PITPNM2: variants seen among roughly 807,000 people sequenced by gnomAD.
PITPNM2 encodes membrane-associated phosphatidylinositol transfer protein 2.
PITPNM2 carries 35 observed loss-of-function variants against 132.2 expected under a neutral mutation model. That is an observed-to-expected ratio of 0.26 (90% CI 0.20 to 0.35). The LOEUF (loss-of-function observed/expected upper bound fraction) is 0.35, where lower values mean the gene tolerates loss of function less well. PITPNM2 is among the 10% of genes least tolerant of loss of function. The probability of loss-of-function intolerance (pLI) is 1.00; values close to 1 mark genes in which losing one functional copy is unlikely to be tolerated. For missense variants in PITPNM2, 1,332 were observed against 1,912.0 expected (o/e 0.70, Z 5.66); for synonymous variants, 738 against 799.2 (o/e 0.92, Z 1.29).
At chr12:123,032,123 C>T (rs1173854338) in intron 3 of PITPNM2, among the ~76,000 whole-genome samples, 3 of 152,234 alleles carry the variant, frequency 2.0e-5, no homozygotes, top group Admixed American at 6.5e-5. Context: ...GAGCGTCTAA[C>T]AGGGAACTAT....
In PITPNM2 at chr12:123,078,108, G is replaced by A. The variant is rs1209732599; in HGVS notation, c.-96+32277C>T. On this transcript the variant is annotated intron_variant, in intron 2 of 25. Transcript: ENST00000320201. The surrounding 1 kb of genome is among the most constrained non-coding windows in gnomAD (Gnocchi z 7.3). ...GAGAGGAAGGGGTGGGGAGCGGAGA[G>A]GGAGGGCGGGAAGGAGGGAGAATTG... Among the ~76,000 whole-genome samples, 14 of 152,212 alleles carry A rather than the reference G, an allele frequency of 9.2e-5. No homozygotes were observed. Among genetic ancestry groups the A allele is most frequent in the Non-Finnish European group, 2.9e-5 (2 of 68,028 alleles).
rs549601496 is a variant in PITPNM2, at chr12:123,109,795, G to A, written c.-96+590C>T. Among the ~76,000 whole-genome samples the A allele has an allele frequency of 1.3e-4, 20 of 152,336 alleles. 1 individual carries two copies. The highest frequency in any genetic ancestry group is 9.1e-4 in the Admixed American group (14 of 15,306). On this transcript the variant is annotated intron_variant, in intron 2 of 25. Transcript: ENST00000320201. Reference sequence around the variant, plus strand: ...CTCTATAAACAGGAGAATAGCAGCCGTTGGGGCCTCAAAGGCTGACCCAAG... The same window carrying A: ...CTCTATAAACAGGAGAATAGCAGCCATTGGGGCCTCAAAGGCTGACCCAAG...
At chr12:123,085,632 A>T (rs1386771393) in intron 2 of PITPNM2, among the ~76,000 whole-genome samples, 1 of 152,206 alleles carries the variant, frequency 6.6e-6, no homozygotes, top group Non-Finnish European at 1.5e-5. Context: ...CCAATGAACT[A>T]TACGCATAAA....
At chr12:123,151,509 G>A (rs1349452620), upstream of PITPNM2, among the ~76,000 whole-genome samples, 1 of 152,182 alleles carries the variant, frequency 6.6e-6, no homozygotes, top group African/African-American at 2.4e-5. Context: ...GAGCGCAGCG[G>A]GCAGCTCACC....
At chr12:123,141,636 C>T (rs1258119105) in intron 1 of PITPNM2, among the ~76,000 whole-genome samples, 1 of 152,124 alleles carries the variant, frequency 6.6e-6, no homozygotes, top group Non-Finnish European at 1.5e-5. Flanking sequence ...AACACAGAGT[C>T]GACGAGGCTG....
rs923733726 is a variant in PITPNM2, at chr12:123,004,963, C to G, written c.952+277G>C. 6.6e-6 allele frequency among the ~76,000 whole-genome samples: 1 copy of G among 152,140 alleles called. No individual in the cohort carries two copies. The highest frequency in any genetic ancestry group is 1.5e-5 in the Non-Finnish European group (1 of 68,000). ...CTAGGGTCCCCATCAGGAGGGGTGG[C>G]CCCTCCACCGCGCTGCAGGAGCCCA... On this transcript the variant is annotated intron_variant, in intron 7 of 25. Transcript: ENST00000320201. The surrounding 1 kb of genome is among the most constrained non-coding windows in gnomAD (Gnocchi z 4.9).
chr12:122,997,169 C>T (rs554603263), intron 11 of PITPNM2, among the ~76,000 whole-genome samples, 156 bp downstream of exon 11: 12 of 152,324 alleles, frequency 7.9e-5, no homozygotes, highest in East Asian at 7.7e-4. Context: ...GCTTAGCCTG[C>T]GTGTATACGT....
At chr12:123,067,574 T>C (rs1269800985) in intron 2 of PITPNM2, among the ~76,000 whole-genome samples, 3 of 151,922 alleles carry the variant, frequency 2.0e-5, no homozygotes, top group Non-Finnish European at 2.9e-5. Flanking sequence ...ACTGCAGTGA[T>C]GCAGCCACAA....
intron 2 of PITPNM2, among the ~76,000 whole-genome samples, chr12:123,060,545 C>T (rs1235239234): frequency 6.6e-6 from 1 of 152,244 alleles, no homozygotes; most frequent in African/African-American, 2.4e-5. Context: ...GCAGAGTGGC[C>T]TGGAGGGAAG....
chr12:123,049,267 G>A (rs2040781211), intron 2 of PITPNM2, among the ~76,000 whole-genome samples: 1 of 152,186 alleles, frequency 6.6e-6, no homozygotes, highest in South Asian at 2.1e-4. Flanking sequence ...AAGCGTGCTT[G>A]TCCAGGAGGG....
At chr12:123,144,201 G>T (rs1365973258) in intron 1 of PITPNM2, among the ~76,000 whole-genome samples, 1 of 152,154 alleles carries the variant, frequency 6.6e-6, no homozygotes, top group Admixed American at 6.5e-5. Flanking sequence ...CCTTTTTGTG[G>T]TCTGTGCAGT....
intron 1 of PITPNM2, among the ~76,000 whole-genome samples, chr12:123,116,097 T>C (rs2042932041): frequency 6.6e-6 from 1 of 152,216 alleles, no homozygotes; most frequent in East Asian, 1.9e-4. Context: ...CCCCTCCCTT[T>C]TAATCTAGCC....
chr12:123,112,893 A>G (rs1045337923), intron 1 of PITPNM2, among the ~76,000 whole-genome samples: 1 of 152,238 alleles, frequency 6.6e-6, no homozygotes, highest in Non-Finnish European at 1.5e-5. Flanking sequence ...AAAGAAAAAC[A>G]AAACAAAAAG....
Position 122,996,587 on chromosome 12 carries a change from G to C in PITPNM2, c.1663-10C>G, listed in dbSNP as rs749486190. 2 of 1,613,066 alleles carry C rather than the reference G, an allele frequency of 1.2e-6. No homozygotes were observed. Among genetic ancestry groups the C allele is most frequent in the Non-Finnish European group, 1.7e-6 (2 of 1,179,976 alleles). On this transcript the variant is annotated splice_polypyrimidine_tract_variant and intron_variant, in intron 12 of 25. Transcript: ENST00000320201. Reference sequence around the variant, plus strand: ...CCCCAATCAGGCAGACCTTGGGAGAGAGGGGCCAGAGGCCTGAGCCATTCA... The same window carrying C: ...CCCCAATCAGGCAGACCTTGGGAGACAGGGGCCAGAGGCCTGAGCCATTCA...
intron 16 of PITPNM2, chr12:122,991,971 CAG>C (rs558258429): frequency 4.2e-4 from 527 of 1,259,728 alleles, no homozygotes; most frequent in Non-Finnish European, 5.1e-4. Flanking sequence ...CGCTCTGACA[CAG>C]AGACTCAGGG....
intron 1 of PITPNM2, among the ~76,000 whole-genome samples, chr12:123,128,445 TAAAAAA>T (rs76741325): frequency 1.4e-5 from 1 of 71,578 alleles, no homozygotes; most frequent in African/African-American, 5.2e-5. Flanking sequence ...CGTCTCAAGT[TAAAAAA>T]AAAAAAAAAA....
intron 5 of PITPNM2, among the ~76,000 whole-genome samples, chr12:123,011,095 A>G (rs2039182057): frequency 1.3e-5 from 2 of 152,204 alleles, no homozygotes; most frequent in African/African-American, 4.8e-5. Context: ...CCCGAGGCAC[A>G]TGTGTGTTGG....
At chr12:123,096,722 T>C (rs757936398) in intron 2 of PITPNM2, among the ~76,000 whole-genome samples, 5 of 152,152 alleles carry the variant, frequency 3.3e-5, no homozygotes, top group Non-Finnish European at 7.4e-5. Flanking sequence ...AGTGAGGACC[T>C]GGAACCAGAA....
chr12:123,025,527 G>A (rs899769957), intron 3 of PITPNM2, among the ~76,000 whole-genome samples: 4 of 151,218 alleles, frequency 2.6e-5, no homozygotes, highest in African/African-American at 4.9e-5. Context: ...TCTGCCTCCC[G>A]GGTTCAAGCG....
Sources: gnomAD v4.1 joint callset for allele counts (sites outside exome capture counted in the v4.1 genomes callset) on GRCh38, gnomAD v4.1.1 for gene constraint, Gnocchi (gnomAD v3.1) non-coding constraint, MANE v1.5 for transcripts, NCBI Gene and HGNC (gene_info 2026-07-23, HGNC 2026-07-21) for gene names.